The following EGF variants were observed in gnomAD, a reference collection of about 807,000 sequenced individuals.
EGF encodes pro-epidermal growth factor.
EGF carries 95 observed loss-of-function variants against 143.8 expected under a neutral mutation model. The observed-to-expected ratio is 0.66, with a 90% CI of 0.56 to 0.78. EGF has a LOEUF of 0.78. Among genes scored for constraint, EGF ranks in the 30% least tolerant of loss-of-function variants. The pLI, the probability that EGF is intolerant of heterozygous loss-of-function variation, is 0.00. For synonymous variants in EGF, 510 were observed against 510.5 expected (o/e 1.00, Z 0.01); for missense variants, 1,320 against 1,470.9 (o/e 0.90, Z 1.68).
intron 1 of EGF, among the ~76,000 whole-genome samples, chr4:109,935,773 G>A (rs765350711): frequency 3.1e-4 from 47 of 152,188 alleles, no homozygotes; most frequent in Non-Finnish European, 5.7e-4. Flanking sequence ...GAATTTTATC[G>A]AAGGCGTTTT....
intron 13 of EGF, among the ~76,000 whole-genome samples, chr4:109,979,060 T>C (rs1748924220): frequency 6.6e-6 from 1 of 152,192 alleles, no homozygotes; most frequent in South Asian, 2.1e-4. Context: ...AACATTCCCT[T>C]GCGTATTCAA....
intron 7 of EGF, among the ~76,000 whole-genome samples, 198 bp downstream of exon 7, chr4:109,961,187 A>G (rs1257802861): frequency 1.3e-5 from 2 of 151,884 alleles, no homozygotes; most frequent in African/African-American, 4.8e-5. Flanking sequence ...CTCTACTAAA[A>G]ATACAAAAAA....
intron 6 of EGF, 112 bp from the exon 7 acceptor site, chr4:109,960,755 T>C: frequency 1.6e-6 from 2 of 1,227,518 alleles, no homozygotes; most frequent in Non-Finnish European, 2.3e-6. Context: ...CCATGATCAA[T>C]TACAGCATAT....
chr4:109,935,190 T>C (rs902992103), intron 1 of EGF, among the ~76,000 whole-genome samples: 2 of 152,230 alleles, frequency 1.3e-5, no homozygotes, highest in Non-Finnish European at 2.9e-5. Context: ...TTCCTATCCA[T>C]GAGCATGGAA....
chr4:109,983,557 T>G lies in EGF; in HGVS notation c.2491+16T>G. ...ATGGTGTCAGGTATGAATAACTAGT[T>G]CTCCAATATACCTTTGGTTCCAACA... On this transcript the variant is annotated intron_variant, in intron 16 of 23. Coordinates refer to ENST00000265171, the MANE Select transcript of EGF (RefSeq NM_001963.6). The G allele has an allele frequency of 6.2e-7, 1 of 1,613,334 alleles. No individual in the cohort carries two copies. Among genetic ancestry groups the G allele is most frequent in the Middle Eastern group, 1.7e-4 (1 of 6,054 alleles).
intron 2 of EGF, among the ~76,000 whole-genome samples, chr4:109,942,865 T>A (rs1742156358): frequency 6.6e-6 from 1 of 152,202 alleles, no homozygotes; most frequent in Non-Finnish European, 1.5e-5. Context: ...TAGCTTGGAA[T>A]TGAGTTCAGT....
chr4:109,940,989 T>C lies in EGF; in HGVS notation c.171T>C (p.Phe57=). 1 of 1,614,092 alleles carries C rather than the reference T, an allele frequency of 6.2e-7. No homozygotes were observed. The highest frequency in any genetic ancestry group is 8.5e-7 in the Non-Finnish European group (1 of 1,179,980). Residue 57 remains phenylalanine (F), a synonymous_variant, in exon 2 of 24, where the codon TTT becomes TTC. Coordinates refer to ENST00000265171, the MANE Select transcript of EGF (RefSeq NM_001963.6). ...TTTTCTCCCATGGAAATAGTATCTT[T>C]AGGATTGACACAGAAGGAACCAATT... ...FLIFSHGNSI[F]RIDTEGTNYE...
intron 21 of EGF, chr4:110,004,221 C>T (rs1752948997): frequency 2.1e-5 from 8 of 385,000 alleles, no homozygotes; most frequent in African/African-American, 7.8e-5. Flanking sequence ...TACATACACA[C>T]ACACACACAC....
Position 110,011,605 on chromosome 4 carries a change from T to C in EGF, c.*150T>C, listed in dbSNP as rs770128560. Reference sequence around the variant, plus strand: ...ATGCCTGGAGACAGATACGTAGTTGTGCTTTTGTTTGCTCTTTTAAGCAGT... The same window carrying C: ...ATGCCTGGAGACAGATACGTAGTTGCGCTTTTGTTTGCTCTTTTAAGCAGT... On this transcript the variant is annotated 3_prime_UTR_variant, in exon 24 of 24. Coordinates refer to ENST00000265171, the MANE Select transcript of EGF (RefSeq NM_001963.6). 2.0e-5 allele frequency: 24 copies of C among 1,187,592 alleles called. No individual in the cohort carries two copies. Among genetic ancestry groups the C allele is most frequent in the Non-Finnish European group, 2.8e-5 (24 of 847,284 alleles). The allele number at this position is 1,187,592 out of a possible 1,614,324, so 73.6% of individuals were successfully genotyped here. A position where few individuals can be genotyped will look rare whatever the true frequency, so the allele number is the denominator to read the frequency against.
chr4:109,941,248 T>C, intron 2 of EGF, 103 bp downstream of exon 2: 1 of 1,057,542 alleles, frequency 9.5e-7, no homozygotes, highest in Non-Finnish European at 1.4e-6. Context: ...TATATAACAG[T>C]TCAAATGCGT....
intron 1 of EGF, among the ~76,000 whole-genome samples, chr4:109,917,652 G>A (rs535022852): frequency 5.7e-4 from 86 of 152,136 alleles, no homozygotes; most frequent in African/African-American, 2.0e-3. Context: ...GACAGGTTTT[G>A]CTCTGTCGCC....
chr4:109,915,687 C>A lies in EGF; in HGVS notation c.127+2225C>A, dbSNP rs887028. Among the ~76,000 whole-genome samples, 1,408 of 152,290 alleles carry A rather than the reference C, an allele frequency of 9.2e-3. 19 individuals are homozygous for A. The highest frequency in any genetic ancestry group is 0.011 in the Non-Finnish European group (774 of 68,036). Reference sequence around the variant, plus strand: ...CCTCTCTAAATAGATATGGTGCCATCATCTATTTTTCCCTCATTTAAATTC... The same window carrying A: ...CCTCTCTAAATAGATATGGTGCCATAATCTATTTTTCCCTCATTTAAATTC... On this transcript the variant is annotated intron_variant, in intron 1 of 23. Coordinates refer to ENST00000265171, the MANE Select transcript of EGF (RefSeq NM_001963.6).
intron 5 of EGF, 25 bp downstream of exon 5, chr4:109,945,300 G>A (rs920332542): frequency 1.2e-6 from 2 of 1,605,222 alleles, no homozygotes; most frequent in Non-Finnish European, 1.7e-6. Flanking sequence ...ACCTTGCGCA[G>A]GGCCTGACAC....
In EGF at chr4:109,999,740, C is replaced by T. The variant is rs754440165; in HGVS notation, c.3067C>T (p.Arg1023Cys). Residue 1023 changes from arginine to cysteine, a missense_variant, in exon 21 of 24, where the codon CGC (arginine) becomes TGC (cysteine). Transcript: ENST00000265171. Reference protein sequence around the residue: ...QYRDLKWWELRHAGHGQQQKV... With the variant: ...QYRDLKWWELCHAGHGQQQKV... Reference sequence around the variant, plus strand: ...CCGAGACCTGAAGTGGTGGGAACTGCGCCACGCTGGCCACGGGCAGCAGCA... The same window carrying T: ...CCGAGACCTGAAGTGGTGGGAACTGTGCCACGCTGGCCACGGGCAGCAGCA... The T allele has an allele frequency of 5.6e-6, 9 of 1,613,920 alleles. No homozygotes were observed. The highest frequency in any genetic ancestry group is 1.3e-5 in the African/African-American group (1 of 74,874).
At chr4:109,980,224 G>T in intron 14 of EGF, 85 bp downstream of exon 14, 2 of 1,401,748 alleles carry the variant, frequency 1.4e-6, no homozygotes, top group South Asian at 1.5e-5. Context: ...GTTGGCGGGG[G>T]GGTGGAGGGG....
intron 5 of EGF, 100 bp from the exon 6 acceptor site, chr4:109,959,212 C>G (rs190546461): frequency 6.4e-7 from 1 of 1,561,602 alleles, no homozygotes; most frequent in Admixed American, 1.8e-5. Context: ...CAGCTGTAGA[C>G]GTTGTAGGGA....
At chr4:109,940,726 A>C in intron 1 of EGF, 1 of 529,470 alleles carries the variant, frequency 1.9e-6, no homozygotes, top group Non-Finnish European at 3.3e-6. Context: ...TAATTTACCA[A>C]TGTTCATGTC....
Position 110,011,311 on chromosome 4 carries a change from A to G in EGF, c.3480A>G (p.Val1160=). The part of the protein sequence containing the change: ...VSSDKGSCPQ[V]MERSFHMPSY... The stretch of plus-strand genomic sequence containing the variant: ...GTGATAAGGGCTCCTGTCCCCAGGT[A>G]ATGGAGCGAAGCTTTCATATGCCCT... The change falls in exon 24 of 24, where the codon GTA becomes GTG. Residue 1160 remains valine, a synonymous_variant. Transcript: ENST00000265171. 1 of 1,614,140 alleles carries G rather than the reference A, an allele frequency of 6.2e-7. No individual in the cohort carries two copies. The highest frequency in any genetic ancestry group is 1.1e-5 in the South Asian group (1 of 91,082).
chr4:109,975,004 T>C (rs1748262084), intron 12 of EGF, among the ~76,000 whole-genome samples, 197 bp downstream of exon 12: 1 of 152,248 alleles, frequency 6.6e-6, no homozygotes, highest in Admixed American at 6.5e-5. Context: ...CTCTTTTAAA[T>C]AAATTCAGTT....
Sources: allele counts gnomAD v4.1 joint callset (sites outside exome capture counted in the v4.1 genomes callset), GRCh38; gene constraint gnomAD v4.1.1; transcripts MANE v1.5; gene names NCBI Gene and HGNC (gene_info 2026-07-23, HGNC 2026-07-21).